Variants in SRFBP1 observed in about 807,000 individuals in gnomAD.
The protein encoded by SRFBP1 is serum response factor-binding protein 1.
A neutral mutation model predicts 45.5 loss-of-function variants in SRFBP1; 47 were observed. That is an observed-to-expected ratio of 1.03 (90% CI 0.82 to 1.32). The LOEUF (loss-of-function observed/expected upper bound fraction) is 1.32, where lower values mean the gene tolerates loss of function less well. Ranked by LOEUF, SRFBP1 falls within the 40% of genes most tolerant of loss-of-function variation. SRFBP1 has a pLI of 0.00. For missense variants in SRFBP1, 621 were observed against 484.6 expected, an observed-to-expected ratio of 1.28 and a Z score of -2.64; for synonymous variants, 203 against 166.3, an observed-to-expected ratio of 1.22 and a Z score of -1.70.
intron 2 of SRFBP1, among the ~76,000 whole-genome samples, chr5:122,039,179 A>G (rs1159484138): frequency 1.3e-5 from 2 of 152,170 alleles, no homozygotes; most frequent in Non-Finnish European, 2.9e-5. Flanking sequence ...GGCAGCTTCT[A>G]TTATAAATTT....
At chr5:122,007,116 G>A (rs565816722) in intron 4 of SRFBP1, among the ~76,000 whole-genome samples, 1 of 152,094 alleles carries the variant, frequency 6.6e-6, no homozygotes, top group African/African-American at 2.4e-5. Flanking sequence ...CATGATTTGA[G>A]GGCAGGCTTG....
At chr5:122,077,801 GAGCCCAGGCTCAGCA>G, downstream of SRFBP1, 1 of 1,549,998 alleles carries the variant, frequency 6.5e-7, no homozygotes, top group Non-Finnish European at 8.7e-7. The surrounding 1 kb of genome is among the most constrained non-coding windows in gnomAD (Gnocchi z 4.9). Flanking sequence ...CTGGTACTGT[GAGCCCAGGCTCAGCA>G]AGCTGAACAC....
In SRFBP1 at chr5:121,981,183, C is replaced by CTAA. The variant is rs1030449048; in HGVS notation, c.198+5797_198+5798insAAT. On this transcript the variant is annotated intron_variant, in intron 3 of 7. Transcript: ENST00000339397. Reference sequence around the variant, plus strand: ...GGATGATTAATCATGTTATCTTATTCTGAGGGCCTCAAGACACACTAAAAT... The same window carrying CTAA: ...GGATGATTAATCATGTTATCTTATTCTAATGAGGGCCTCAAGACACACTAAAAT... Among the ~76,000 whole-genome samples, 6 of 151,926 alleles carry CTAA rather than the reference C, an allele frequency of 3.9e-5. No individual in the cohort carries two copies. In the South Asian group the frequency reaches 1.0e-3, roughly 26 times the overall value.
At position 121,991,707 on chromosome 5, in the gene SRFBP1, A is replaced by T. The variant is rs17148683; in HGVS notation, c.199-2892A>T. Reference sequence around the variant, plus strand: ...AAAAAGTCTTAGTTTCTCATTGTTTACTTAAAATAGTACCTGACAATTCCA... The same window carrying T: ...AAAAAGTCTTAGTTTCTCATTGTTTTCTTAAAATAGTACCTGACAATTCCA... On this transcript the variant is annotated intron_variant, in intron 3 of 7. Coordinates refer to ENST00000339397, the MANE Select transcript of SRFBP1 (RefSeq NM_152546.3). Among the ~76,000 whole-genome samples, 149 of 152,278 alleles carry T rather than the reference A, an allele frequency of 9.8e-4. 2 individuals carry two copies. In the East Asian group the frequency reaches 0.023, roughly 23 times the overall value.
intron 4 of SRFBP1, among the ~76,000 whole-genome samples, chr5:122,005,179 A>G (rs528193954): frequency 1.7e-4 from 26 of 152,138 alleles, no homozygotes; most frequent in Non-Finnish European, 7.4e-5. Flanking sequence ...AAGGTATACT[A>G]TTAACCTGAT....
chr5:122,017,626 A>T (rs1753216934), intron 4 of SRFBP1, among the ~76,000 whole-genome samples: 1 of 152,218 alleles, frequency 6.6e-6, no homozygotes, highest in East Asian at 1.9e-4. Context: ...ATTAAATAGC[A>T]GATGGTCCTG....
rs1203318306 is a variant in SRFBP1 at position 121,996,929 on chromosome 5, A to G, written c.270+2259A>G. ...CCCATTCACACTTGCTTCAAAGAGA[A>G]TAAAATACCTAGGCATCCAACTTAC... On this transcript the variant is annotated intron_variant, in intron 4 of 7. Coordinates refer to ENST00000339397, the MANE Select transcript of SRFBP1 (RefSeq NM_152546.3). Among the ~76,000 whole-genome samples the G allele has an allele frequency of 3.4e-5, 5 of 146,782 alleles. 1 individual carries two copies. In the East Asian group the frequency reaches 1.0e-3, roughly 30 times the overall value.
At position 121,974,235 on chromosome 5, in the gene SRFBP1, T is replaced by G; in HGVS notation, c.76T>G (p.Leu26Val). 1 of 1,611,602 alleles carries G rather than the reference T, an allele frequency of 6.2e-7. No individual in the cohort carries two copies. Among genetic ancestry groups the G allele is most frequent in the Non-Finnish European group, 8.5e-7 (1 of 1,178,246 alleles). ...AAAAGAAGTGAAGAGAATTCGAGTT[T>G]TAGTTATCCGAAAACTTGTCAGGAG... Reference protein sequence around the residue: ...MRKEVKRIRVLVIRKLVRSVG... With the variant: ...MRKEVKRIRVVVIRKLVRSVG... Residue 26 changes from leucine to valine, a missense_variant, in exon 2 of 8, where the codon TTA (leucine) becomes GTA (valine). Transcript: ENST00000339397.
Position 121,962,026 on chromosome 5 carries a change from A to G in SRFBP1, c.-7A>G, listed in dbSNP as rs753412047. The G allele has an allele frequency of 8.7e-6, 14 of 1,613,978 alleles. No homozygotes were observed. The highest frequency in any genetic ancestry group is 1.2e-5 in the Non-Finnish European group (14 of 1,180,006). On this transcript the variant is annotated 5_prime_UTR_variant, in exon 1 of 8. Coordinates refer to ENST00000339397, the MANE Select transcript of SRFBP1 (RefSeq NM_152546.3). The stretch of plus-strand genomic sequence containing the variant: ...AGGCAGCGGCGGATCATATTCCTTC[A>G]TCTACCATGGCTCAGCCGGGAACTC...
intron 2 of SRFBP1, among the ~76,000 whole-genome samples, chr5:122,052,429 A>G (rs551418580): frequency 6.6e-6 from 1 of 152,088 alleles, no homozygotes; most frequent in South Asian, 2.1e-4. Context: ...TATTTCTTGG[A>G]GGTTTTGCTT....
At chr5:122,008,111 A>G (rs986585477) in intron 4 of SRFBP1, among the ~76,000 whole-genome samples, 2 of 151,640 alleles carry the variant, frequency 1.3e-5, no homozygotes, top group African/African-American at 4.8e-5. Flanking sequence ...CAGGTCTGAC[A>G]GGGGCTGACC....
Position 122,020,460 on chromosome 5 carries a change from C to T in SRFBP1, c.725C>T (p.Ser242Leu), listed in dbSNP as rs576978258. The change falls in exon 6 of 8, where the codon TCA becomes TTA. Residue 242 changes from serine to leucine, a missense_variant. Ser to Leu is a moderately radical substitution (Grantham distance 145). Transcript: ENST00000339397. ...QTKKNKGSDS[S>L]LSGNSDGGEE... ...AAAAAAAACAAAGGATCTGATAGCTCACTCTCTGGTAACAGTGATGGCGGA... is the reference window on the plus strand; with the variant it reads ...AAAAAAAACAAAGGATCTGATAGCTTACTCTCTGGTAACAGTGATGGCGGA... 2 of 1,614,070 alleles carry T rather than the reference C, an allele frequency of 1.2e-6. No individual in the cohort carries two copies. Among genetic ancestry groups the T allele is most frequent in the Non-Finnish European group, 1.7e-6 (2 of 1,179,980 alleles).
intron 4 of SRFBP1, 73 bp from the exon 5 acceptor site, chr5:122,019,187 T>A (rs1753244648): frequency 1.6e-6 from 2 of 1,271,890 alleles, no homozygotes; most frequent in East Asian, 2.4e-5. Context: ...TATGATAGAT[T>A]TTATTTTATT....
At chr5:121,963,994 A>G (rs1172062875) in intron 1 of SRFBP1, among the ~76,000 whole-genome samples, 1 of 152,202 alleles carries the variant, frequency 6.6e-6, no homozygotes, top group Non-Finnish European at 1.5e-5. Context: ...TTAATAGGAA[A>G]TACCTCATAG....
At chr5:122,039,830 G>A (rs1292703550) in intron 2 of SRFBP1, among the ~76,000 whole-genome samples, 1 of 151,712 alleles carries the variant, frequency 6.6e-6, no homozygotes, top group Non-Finnish European at 1.5e-5. Context: ...TATATGGTTG[G>A]GATCTAACTA....
At chr5:122,034,847 TAA>T (rs1210472928) in intron 2 of SRFBP1, among the ~76,000 whole-genome samples, 4 of 152,168 alleles carry the variant, frequency 2.6e-5, no homozygotes, top group African/African-American at 7.2e-5. Context: ...TTTTGATACT[TAA>T]AAGAACCATG....
chr5:122,049,989 C>A (rs12187316), intron 2 of SRFBP1, among the ~76,000 whole-genome samples: 1 of 152,010 alleles, frequency 6.6e-6, no homozygotes, highest in African/African-American at 2.4e-5. Context: ...TTTTCTGCAT[C>A]TATTTAGATA....
At chr5:122,024,249 T>C (rs17148705) in intron 7 of SRFBP1, among the ~76,000 whole-genome samples, 6,755 of 152,324 alleles carry the variant, frequency 0.044, 175 homozygotes, top group African/African-American at 0.06. Context: ...AAGTTATCAC[T>C]GACAACAGTT....
intron 7 of SRFBP1, among the ~76,000 whole-genome samples, chr5:122,024,711 GC>G (rs1305514811): frequency 6.6e-6 from 1 of 152,130 alleles, no homozygotes; most frequent in African/African-American, 2.4e-5. Context: ...ATGTCAGTAT[GC>G]CCCATTTATA....
Sources: gnomAD v4.1 joint callset for allele counts (sites outside exome capture counted in the v4.1 genomes callset) on GRCh38, gnomAD v4.1.1 for gene constraint, Gnocchi (gnomAD v3.1) non-coding constraint, MANE v1.5 for transcripts, NCBI Gene and HGNC (gene_info 2026-07-23, HGNC 2026-07-21) for gene names.